DNAJB4: variants seen among roughly 807,000 people sequenced by gnomAD.
The protein encoded by DNAJB4 is dnaJ homolog subfamily B member 4.
DNAJB4 carries 10 observed loss-of-function variants against 26.6 expected under a neutral mutation model. The observed-to-expected ratio is 0.38, with a 90% confidence interval of 0.23 to 0.64. DNAJB4 has a LOEUF of 0.64. DNAJB4 is among the 30% of genes least tolerant of loss of function. The probability of loss-of-function intolerance (pLI) is 0.58; values close to 1 mark genes in which losing one functional copy is unlikely to be tolerated. For synonymous variants in DNAJB4, 136 were observed against 134.8 expected, an observed-to-expected ratio of 1.01 and a Z score of -0.06; for missense variants, 328 against 408.2, an observed-to-expected ratio of 0.80 and a Z score of 1.69.
rs751032965 is a variant in DNAJB4 at position 78,005,336 on chromosome 1, T to G, written c.211+15T>G. ...TGGGGAGGAAGGTAAGTATTCTCTG[T>G]ATATCTTTCTGTCTCTTCAGCTCTG... On this transcript the variant is annotated intron_variant, in intron 1 of 2. Transcript: ENST00000370763. 6.3e-7 allele frequency: 1 copy of G among 1,591,712 alleles called. No homozygotes were observed. Among genetic ancestry groups the G allele is most frequent in the Non-Finnish European group, 8.5e-7 (1 of 1,171,042 alleles).
intron 1 of DNAJB4, among the ~76,000 whole-genome samples, chr1:77,981,760 CTT>C (rs1659653707): frequency 6.6e-6 from 1 of 152,142 alleles, no homozygotes; most frequent in South Asian, 2.1e-4. Context: ...TCATTCCAAA[CTT>C]TTCAGTGTTC....
In DNAJB4 at chr1:78,016,904, T is replaced by A. The variant is rs910260378; in HGVS notation, c.*657T>A. The A allele has an allele frequency of 6.6e-6, 1 of 152,162 alleles. No homozygotes were observed. Among genetic ancestry groups the A allele is most frequent in the Admixed American group, 6.5e-5 (1 of 15,278 alleles). The allele number at this position is 152,162 out of a possible 1,614,324, so 9.4% of individuals were successfully genotyped here. ...ATCCCAATTGCTTGAATTACTGATA[T>A]TTTAGAATAGACTTTTTAAAATGCC... On this transcript the variant is annotated 3_prime_UTR_variant, in exon 3 of 3. Coordinates refer to ENST00000370763, the MANE Select transcript of DNAJB4 (RefSeq NM_007034.5).
Position 78,005,063 on chromosome 1 carries a change from T to A in DNAJB4, c.-48T>A. Reference sequence around the variant, plus strand: ...AATCTGTTGCTAAGACTGGGGACGCTGTTTTCTTTTACAAAGGGAAATCTA... The same window carrying A: ...AATCTGTTGCTAAGACTGGGGACGCAGTTTTCTTTTACAAAGGGAAATCTA... On this transcript the variant is annotated 5_prime_UTR_variant, in exon 1 of 3. Transcript: ENST00000370763. The A allele has an allele frequency of 1.1e-5, 17 of 1,567,442 alleles. No individual in the cohort carries two copies. The highest frequency in any genetic ancestry group is 1.4e-5 in the Non-Finnish European group (16 of 1,148,956).
chr1:77,990,424 G>A (rs941277161), intron 1 of DNAJB4, among the ~76,000 whole-genome samples: 5 of 152,120 alleles, frequency 3.3e-5, no homozygotes, highest in East Asian at 1.9e-4. Flanking sequence ...CTTCATCCAC[G>A]TTCAATTCAA....
At chr1:77,998,497 G>A (rs1342576051) in intron 1 of DNAJB4, among the ~76,000 whole-genome samples, 3 of 152,138 alleles carry the variant, frequency 2.0e-5, no homozygotes, top group Non-Finnish European at 4.4e-5. Context: ...CTTGCCTTAA[G>A]TTTATGTATT....
rs541451915 is a variant in DNAJB4 at position 77,989,108 on chromosome 1, T to G, written c.-32+8786T>G. ...CCCACTCCTCTCTTTTTAAACAGAGTATTGATACTGTGTATGAACTTCTTG... is the reference window on the plus strand; with the variant it reads ...CCCACTCCTCTCTTTTTAAACAGAGGATTGATACTGTGTATGAACTTCTTG... On this transcript the variant is annotated intron_variant, in intron 1 of 2. Coordinates refer to the DNAJB4 transcript ENST00000426517. Among the ~76,000 whole-genome samples, 8 of 151,438 alleles carry G rather than the reference T, an allele frequency of 5.3e-5. No homozygotes were observed. In the South Asian group the frequency reaches 1.7e-3, roughly 32 times the overall value.
chr1:78,009,999 G>A (rs1043743381), intron 1 of DNAJB4, among the ~76,000 whole-genome samples: 1 of 152,104 alleles, frequency 6.6e-6, no homozygotes, highest in Non-Finnish European at 1.5e-5. Flanking sequence ...TAGTGTCTAG[G>A]AAAACCTCAA....
At chr1:77,999,503 G>C (rs1403116018) in intron 1 of DNAJB4, among the ~76,000 whole-genome samples, 1 of 151,884 alleles carries the variant, frequency 6.6e-6, no homozygotes, top group African/African-American at 2.4e-5. Flanking sequence ...CTTGGCAAGA[G>C]GCAAGATCTT....
chr1:78,005,107 C>G lies in DNAJB4; in HGVS notation c.-4C>G. 1 of 1,610,096 alleles carries G rather than the reference C, an allele frequency of 6.2e-7. No individual in the cohort carries two copies. Among genetic ancestry groups the G allele is most frequent in the Non-Finnish European group, 8.5e-7 (1 of 1,178,714 alleles). The stretch of plus-strand genomic sequence containing the variant: ...AAATCTAAGTTAATTTCAAGGCATT[C>G]GAAATGGGGAAAGACTATTATTGCA... On this transcript the variant is annotated 5_prime_UTR_variant, in exon 1 of 3. Coordinates refer to ENST00000370763, the MANE Select transcript of DNAJB4 (RefSeq NM_007034.5).
At chr1:77,982,895 A>T (rs372039142) in intron 1 of DNAJB4, among the ~76,000 whole-genome samples, 1 of 152,254 alleles carries the variant, frequency 6.6e-6, no homozygotes, top group Non-Finnish European at 1.5e-5. Flanking sequence ...TCCTGGGTTA[A>T]TGTAGGGGTG....
upstream of DNAJB4, chr1:78,004,506 T>TA (rs1373740342): frequency 6.6e-6 from 1 of 152,060 alleles, no homozygotes; most frequent in East Asian, 1.9e-4. Flanking sequence ...AACCTGCGTT[T>TA]TGGTATTATA....
chr1:78,005,658 C>G (rs955026507), intron 1 of DNAJB4, among the ~76,000 whole-genome samples: 1 of 152,088 alleles, frequency 6.6e-6, no homozygotes. Flanking sequence ...TAAATTGTGT[C>G]AAAAGTCTTA....
intron 1 of DNAJB4, among the ~76,000 whole-genome samples, chr1:77,981,613 C>CA (rs1202222927): frequency 6.6e-6 from 1 of 152,046 alleles, no homozygotes; most frequent in Non-Finnish European, 1.5e-5. Flanking sequence ...CGCCCAGCCA[C>CA]AATAAAATTC....
chr1:77,996,490 C>T (rs988576239), intron 1 of DNAJB4, among the ~76,000 whole-genome samples: 4 of 151,838 alleles, frequency 2.6e-5, no homozygotes, highest in Non-Finnish European at 5.9e-5. Flanking sequence ...TGTCTGATCC[C>T]CTGGGTGTCT....
intron 1 of DNAJB4, among the ~76,000 whole-genome samples, chr1:78,008,607 T>G (rs1427120363): frequency 1.3e-5 from 2 of 152,166 alleles, no homozygotes; most frequent in African/African-American, 4.8e-5. Flanking sequence ...TAGCTACAAA[T>G]AAGAACTAGA....
Position 78,016,183 on chromosome 1 carries a change from C to G in DNAJB4, c.950C>G (p.Ser317Cys), listed in dbSNP as rs748502415. ...GACCTTCTAATAGAATTTGAGGTGT[C>G]CTTCCCAGATACTATATCTTCTTCA... The part of the protein sequence containing the change: ...RGDLLIEFEV[S>C]FPDTISSSSK... The change falls in exon 3 of 3, where the codon TCC (serine) becomes TGC (cysteine). Residue 317 changes from serine (S) to cysteine (C), a missense_variant. By Grantham distance (112) the Ser-to-Cys change is moderately radical. Transcript: ENST00000370763. The G allele has an allele frequency of 9.9e-6, 16 of 1,614,102 alleles. No homozygotes were observed. The South Asian group carries it at 1.5e-4, about 16-fold the overall frequency.
intron 1 of DNAJB4, among the ~76,000 whole-genome samples, chr1:77,990,812 T>C (rs1171614939): frequency 1.3e-5 from 2 of 152,276 alleles, no homozygotes; most frequent in African/African-American, 4.8e-5. Flanking sequence ...CCTGTTGGTC[T>C]GGTTATATCA....
At chr1:78,012,316 C>T (rs1393238316) in intron 1 of DNAJB4, among the ~76,000 whole-genome samples, 1 of 151,412 alleles carries the variant, frequency 6.6e-6, no homozygotes, top group Non-Finnish European at 1.5e-5. Flanking sequence ...GCACCTGCCA[C>T]CACACCTGGC....
At chr1:78,010,671 A>G (rs561976161) in intron 1 of DNAJB4, among the ~76,000 whole-genome samples, 36 of 152,214 alleles carry the variant, frequency 2.4e-4, no homozygotes, top group African/African-American at 8.2e-4. Flanking sequence ...TAGAGTAGAT[A>G]TATACCTTTT....
Sources: allele counts gnomAD v4.1 joint callset (sites outside exome capture counted in the v4.1 genomes callset), GRCh38; gene constraint gnomAD v4.1.1; transcripts MANE v1.5; gene names NCBI Gene and HGNC (gene_info 2026-07-23, HGNC 2026-07-21).